The following RAB5B variants were observed in gnomAD, a reference collection of about 807,000 sequenced individuals.
The protein encoded by RAB5B is ras-related protein Rab-5B.
Under a neutral mutation model 28.6 loss-of-function variants are expected in RAB5B, and 11 were observed. The ratio of observed to expected loss-of-function variants is 0.38; its 90% CI spans 0.24 to 0.64. The LOEUF (loss-of-function observed/expected upper bound fraction) is 0.64, where lower values mean the gene tolerates loss of function less well. Ranked by LOEUF, RAB5B falls within the 30% of genes least tolerant of loss-of-function variation. The probability of loss-of-function intolerance (pLI) is 0.53; values close to 1 mark genes in which losing one functional copy is unlikely to be tolerated. For synonymous variants in RAB5B, 93 were observed against 97.9 expected (o/e 0.95, Z 0.29); for missense variants, 169 against 265.6 (o/e 0.64, Z 2.53).
chr12:55,977,804 A>G lies in RAB5B; in HGVS notation c.-93+3665A>G, dbSNP rs372468020. On this transcript the variant is annotated intron_variant, in intron 1 of 5. Transcript: ENST00000360299. Reference sequence around the variant, plus strand: ...AATAAGGAGCTACCCAGGTGAACAAAGTATGTGTACATTTCTGGGCAAGGT... The same window carrying G: ...AATAAGGAGCTACCCAGGTGAACAAGGTATGTGTACATTTCTGGGCAAGGT... 3.9e-5 allele frequency among the ~76,000 whole-genome samples: 6 copies of G among 152,314 alleles called. No homozygotes were observed. The South Asian group carries it at 1.0e-3, about 26-fold the overall frequency.
intron 4 of RAB5B, 126 bp downstream of exon 4, chr12:55,990,930 C>A: frequency 8.1e-7 from 1 of 1,238,460 alleles, no homozygotes. Context: ...AGTTCTACAC[C>A]AAGTTAAATA....
intron 1 of RAB5B, among the ~76,000 whole-genome samples, chr12:55,976,858 G>A (rs944677231): frequency 2.6e-5 from 4 of 152,126 alleles, no homozygotes; most frequent in African/African-American, 9.7e-5. Context: ...GTCCTTACTA[G>A]CTTTAAAAGC....
rs2136496385 is a variant in RAB5B at position 55,994,490 on chromosome 12, G to A, written c.*2278G>A. On this transcript the variant is annotated 3_prime_UTR_variant, in exon 6 of 6. Transcript: ENST00000360299. ...TTCTGCCTTCCTTTGAGCTCTGTTG[G>A]GCTTGGGGATCTTAGTTTTCTTTTG... 6.7e-6 allele frequency: 1 copy of A among 148,574 alleles called. No individual in the cohort carries two copies. The allele number at this position is 148,574 out of a possible 1,614,324, so 9.2% of individuals were successfully genotyped here. A position where few individuals can be genotyped will look rare whatever the true frequency, so the allele number is the denominator to read the frequency against.
chr12:55,995,997 A>ATTTTTTTTTT lies in RAB5B; in HGVS notation c.*3786_*3787insTTTTTTTTTT, dbSNP rs1432681953. The ATTTTTTTTTT allele has an allele frequency of 2.0e-5, 2 of 100,472 alleles. No homozygotes were observed. The highest frequency in any genetic ancestry group is 1.0e-4 in the African/African-American group (2 of 19,268). 6.2% of individuals were successfully genotyped at this position (100,472 alleles called of 1,614,324 possible). A position where few individuals can be genotyped will look rare whatever the true frequency, so the allele number is the denominator to read the frequency against. On this transcript the variant is annotated 3_prime_UTR_variant, in exon 6 of 6. Transcript: ENST00000360299. Reference sequence around the variant, plus strand: ...CATATATATATACATATATATATATATATATATTTTTTTTTTAACAACTGG... The same window carrying ATTTTTTTTTT: ...CATATATATATACATATATATATATATTTTTTTTTTTATATATTTTTTTTTTAACAACTGG...
intron 1 of RAB5B, among the ~76,000 whole-genome samples, chr12:55,978,686 C>G (rs1010727175): frequency 4.0e-5 from 6 of 151,852 alleles, no homozygotes; most frequent in Non-Finnish European, 7.4e-5. Context: ...TAAACTCCCA[C>G]TTTTAAAGAA....
chr12:55,990,281 G>A (rs1030033665), intron 3 of RAB5B, 183 bp downstream of exon 3: 95 of 598,828 alleles, frequency 1.6e-4, no homozygotes, highest in Non-Finnish European at 2.1e-4. Context: ...GGTGGTGCGC[G>A]CCTGTAGTCC....
At chr12:55,983,565 C>T (rs1295222935) in intron 1 of RAB5B, among the ~76,000 whole-genome samples, 1 of 151,922 alleles carries the variant, frequency 6.6e-6, no homozygotes, top group African/African-American at 2.4e-5. Flanking sequence ...TTGTCATGTT[C>T]CTCTGTATTA....
rs939520827 is a variant in RAB5B at position 55,990,233 on chromosome 12, C to T, written c.315+135C>T. On this transcript the variant is annotated intron_variant, in intron 3 of 5. Transcript: ENST00000360299. ...GACCATCCTGGCCAACATGGTGAAACCCCGTCTCTACTAAAATTACAAAAA... is the reference window on the plus strand; with the variant it reads ...GACCATCCTGGCCAACATGGTGAAATCCCGTCTCTACTAAAATTACAAAAA... 6.0e-6 allele frequency: 6 copies of T among 999,436 alleles called. No homozygotes were observed. The African/African-American group carries it at 8.2e-5, about 14-fold the overall frequency. The allele number at this position is 999,436 out of a possible 1,614,324, so 61.9% of individuals were successfully genotyped here.
rs1394950526 is a variant in RAB5B, at chr12:55,995,257, AT to A, written c.*3050del. 6.6e-6 allele frequency: 1 copy of A among 151,908 alleles called. No homozygotes were observed. The highest frequency in any genetic ancestry group is 2.4e-5 in the African/African-American group (1 of 41,326). The allele number at this position is 151,908 out of a possible 1,614,324, so 9.4% of individuals were successfully genotyped here. ...AGGCACGCACCAACACACCCAGCTA[AT>A]TTTTGTATTTTTAGTAGAGACGGGG... On this transcript the variant is annotated 3_prime_UTR_variant, in exon 6 of 6. Coordinates refer to ENST00000360299, the MANE Select transcript of RAB5B (RefSeq NM_002868.4).
intron 1 of RAB5B, among the ~76,000 whole-genome samples, chr12:55,977,375 T>G (rs73338318): frequency 6.6e-6 from 1 of 152,178 alleles, no homozygotes; most frequent in Non-Finnish European, 1.5e-5. Context: ...ATAAGGAATT[T>G]CATACATAGA....
chr12:55,981,541 A>G (rs1002700311), intron 1 of RAB5B, among the ~76,000 whole-genome samples: 2 of 151,996 alleles, frequency 1.3e-5, no homozygotes, highest in African/African-American at 4.8e-5. Flanking sequence ...TAGGTGATAG[A>G]CTTCTGGAGA....
At chr12:55,989,172 C>T (rs1229780651) in intron 2 of RAB5B, among the ~76,000 whole-genome samples, 1 of 151,954 alleles carries the variant, frequency 6.6e-6, no homozygotes, top group Non-Finnish European at 1.5e-5. Flanking sequence ...GAACTCCTGA[C>T]CTCAAGCCAT....
chr12:55,982,817 A>T (rs1312233049), intron 1 of RAB5B, among the ~76,000 whole-genome samples: 2 of 152,082 alleles, frequency 1.3e-5, no homozygotes, highest in Non-Finnish European at 2.9e-5. Flanking sequence ...AGCTCAAGTG[A>T]TATGTTTAGC....
chr12:55,980,855 T>C lies in RAB5B; in HGVS notation c.-92-6014T>C, dbSNP rs1889784880. On this transcript the variant is annotated intron_variant, in intron 1 of 5. Transcript: ENST00000360299. Reference sequence around the variant, plus strand: ...CTCTTGGCCAGCTGTGTCCCAGACTTGTAGTTTGATCTTCTTCCCCTCTAT... The same window carrying C: ...CTCTTGGCCAGCTGTGTCCCAGACTCGTAGTTTGATCTTCTTCCCCTCTAT... 3.0e-5 allele frequency: 48 copies of C among 1,607,648 alleles called. No homozygotes were observed. The East Asian group carries it at 1.0e-3, about 35-fold the overall frequency.
At position 55,991,370 on chromosome 12, in the gene RAB5B, C is replaced by T. The variant is rs1324681963; in HGVS notation, c.449C>T (p.Ala150Val). The change falls in exon 5 of 6, where the codon GCA becomes GTA. Residue 150 changes from alanine to valine, a missense_variant. Transcript: ENST00000360299. Reference sequence around the variant, plus strand: ...TCCCACTCCTTGCAGGAGGCCCAGGCATATGCAGATGACAACAGCTTATTG... The same window carrying T: ...TCCCACTCCTTGCAGGAGGCCCAGGTATATGCAGATGACAACAGCTTATTG... ...KRMVEYEEAQ[A>V]YADDNSLLFM... The T allele has an allele frequency of 1.2e-6, 2 of 1,613,542 alleles. No homozygotes were observed. Among genetic ancestry groups the T allele is most frequent in the African/African-American group, 2.7e-5 (2 of 74,900 alleles).
intron 1 of RAB5B, chr12:55,985,611 GC>G (rs1889930478): frequency 2.3e-6 from 1 of 430,188 alleles, no homozygotes; most frequent in Admixed American, 2.6e-5. Flanking sequence ...AGCTTTCTTA[GC>G]CCTCTTAGAA....
rs1890105699 is a variant in RAB5B, at chr12:55,991,168, G to T, written c.439-192G>T. On this transcript the variant is annotated intron_variant, in intron 4 of 5. Coordinates refer to ENST00000360299, the MANE Select transcript of RAB5B (RefSeq NM_002868.4). ...TAAGCTTTCTGACATTTGTGTGTTGGACTGAGTGGACATGGGGTCATCTTG... is the reference window on the plus strand; with the variant it reads ...TAAGCTTTCTGACATTTGTGTGTTGTACTGAGTGGACATGGGGTCATCTTG... 8.9e-5 allele frequency: 51 copies of T among 573,830 alleles called. No individual in the cohort carries two copies. The South Asian group carries it at 1.0e-3, about 11-fold the overall frequency. The allele number at this position is 573,830 out of a possible 1,614,324, so 35.5% of individuals were successfully genotyped here.
chr12:55,986,454 AGAAAAG>A (rs1251818168), intron 1 of RAB5B, among the ~76,000 whole-genome samples: 7 of 152,150 alleles, frequency 4.6e-5, no homozygotes, highest in Admixed American at 1.3e-4. Flanking sequence ...AAAAAAAAGA[AGAAAAG>A]GAAAAGAAGA....
intron 5 of RAB5B, 154 bp from the exon 6 acceptor site, chr12:55,991,941 GTT>G (rs1890137173): frequency 7.2e-6 from 4 of 559,226 alleles, no homozygotes; most frequent in Non-Finnish European, 1.3e-5. Context: ...AAAAAAAAAA[GTT>G]TGCAAATAGT....
Sources: allele counts gnomAD v4.1 joint callset (sites outside exome capture counted in the v4.1 genomes callset), GRCh38; gene constraint gnomAD v4.1.1; transcripts MANE v1.5; gene names NCBI Gene and HGNC (gene_info 2026-07-23, HGNC 2026-07-21).